The following ST18 variants were observed in gnomAD, a reference collection of about 807,000 sequenced individuals.
ST18 encodes the protein suppression of tumorigenicity 18 protein.
Under a neutral mutation model 110.0 loss-of-function variants are expected in ST18, and 50 were observed. The observed-to-expected ratio is 0.45, with a 90% CI of 0.36 to 0.58. ST18 has a LOEUF of 0.58. Among genes scored for constraint, ST18 ranks in the 20% least tolerant of loss-of-function variants. ST18 has a pLI of 0.00. For missense variants in ST18, 1,306 were observed against 1,280.1 expected, an observed-to-expected ratio of 1.02 and a Z score of -0.31; for synonymous variants, 461 against 452.4, an observed-to-expected ratio of 1.02 and a Z score of -0.24.
At chr8:52,245,426 T>C (rs1014976112) in intron 2 of ST18, among the ~76,000 whole-genome samples, 3 of 152,124 alleles carry the variant, frequency 2.0e-5, no homozygotes, top group Non-Finnish European at 4.4e-5. Context: ...ATTGGATATA[T>C]ATATGACACA....
At position 52,287,684 on chromosome 8, in the gene ST18, T is replaced by C. The variant is rs1016956939; in HGVS notation, c.-464-57607A>G. ...ACCAAGTAACCCCCAAGCTTTGGCATTGCATATACAAAGGGAGACAGGCAA... is the reference window on the plus strand; with the variant it reads ...ACCAAGTAACCCCCAAGCTTTGGCACTGCATATACAAAGGGAGACAGGCAA... On this transcript the variant is annotated intron_variant, in intron 2 of 25. Coordinates refer to ENST00000689386, the MANE Select transcript of ST18 (RefSeq NM_001352837.2). Among the ~76,000 whole-genome samples the C allele has an allele frequency of 1.3e-4, 20 of 152,270 alleles. No individual in the cohort carries two copies. The East Asian group carries it at 1.5e-3, about 12-fold the overall frequency.
chr8:52,299,743 G>A (rs929538015), intron 2 of ST18, among the ~76,000 whole-genome samples: 16 of 152,206 alleles, frequency 1.1e-4, no homozygotes, highest in African/African-American at 3.9e-4. Context: ...CTCAATTTCA[G>A]CTTTTCAACC....
chr8:52,132,499 G>C (rs1479481288), intron 21 of ST18, among the ~76,000 whole-genome samples: 5 of 152,128 alleles, frequency 3.3e-5, no homozygotes, highest in Non-Finnish European at 5.9e-5. Flanking sequence ...TAGGTCTAGA[G>C]CCAACCACAT....
intron 2 of ST18, among the ~76,000 whole-genome samples, chr8:52,276,767 CTT>C (rs112922704): frequency 6.8e-4 from 96 of 140,628 alleles, no homozygotes; most frequent in African/African-American, 2.0e-3. Context: ...CCTATAAAAT[CTT>C]TTTTTTTTTT....
chr8:52,337,055 A>G (rs1004466326), intron 2 of ST18, among the ~76,000 whole-genome samples: 1 of 152,262 alleles, frequency 6.6e-6, no homozygotes, highest in African/African-American at 2.4e-5. Context: ...TCAGAATAAC[A>G]TCGCCTTTTT....
intron 2 of ST18, among the ~76,000 whole-genome samples, chr8:52,372,453 G>A (rs548553516): frequency 2.0e-5 from 3 of 152,254 alleles, no homozygotes; most frequent in East Asian, 3.9e-4. Flanking sequence ...CAGCCTAATT[G>A]TCCAGTGTTT....
intron 24 of ST18, among the ~76,000 whole-genome samples, chr8:52,117,406 C>A (rs549212355): frequency 6.6e-6 from 1 of 152,210 alleles, no homozygotes; most frequent in Non-Finnish European, 1.5e-5. Flanking sequence ...GCATACAACA[C>A]CATTGATCAT....
intron 8 of ST18, among the ~76,000 whole-genome samples, chr8:52,196,652 A>C (rs2076272973): frequency 6.6e-6 from 1 of 152,176 alleles, no homozygotes; most frequent in Non-Finnish European, 1.5e-5. Flanking sequence ...CTATTTTATT[A>C]TTAGTTATGT....
chr8:52,232,027 C>T lies in ST18; in HGVS notation c.-464-1950G>A, dbSNP rs181644627. On this transcript the variant is annotated intron_variant, in intron 2 of 25. Transcript: ENST00000689386. ...ATGTTGGTGCTGATAAGTTTGTGGA[C>T]CATACTTGGAAAACTACTGCTTTAG... is the stretch of plus-strand genomic sequence containing the variant. Among the ~76,000 whole-genome samples the T allele has an allele frequency of 4.5e-4, 69 of 152,268 alleles. 1 individual carries two copies. The highest frequency in any genetic ancestry group is 1.3e-3 in the African/African-American group (52 of 41,560).
chr8:52,276,128 CCA>C (rs1391519426), intron 2 of ST18, among the ~76,000 whole-genome samples: 3 of 11,148 alleles, frequency 2.7e-4, no homozygotes, highest in Non-Finnish European at 4.7e-4. Flanking sequence ...CTATCACATA[CCA>C]CACACACACC....
chr8:52,157,339 A>G (rs1239208143), intron 15 of ST18, among the ~76,000 whole-genome samples: 1 of 152,166 alleles, frequency 6.6e-6, no homozygotes, highest in Admixed American at 6.5e-5. Context: ...CATTCATTCT[A>G]GAACCACTTA....
chr8:52,300,509 C>G (rs2095702353), intron 2 of ST18, among the ~76,000 whole-genome samples: 1 of 152,188 alleles, frequency 6.6e-6, no homozygotes, highest in Admixed American at 6.5e-5. Flanking sequence ...TTGCCCAAAT[C>G]TATGACATAG....
At chr8:52,282,255 T>C (rs946030351) in intron 2 of ST18, among the ~76,000 whole-genome samples, 2 of 152,080 alleles carry the variant, frequency 1.3e-5, no homozygotes, top group African/African-American at 2.4e-5. Context: ...CAAGATAATC[T>C]TACCTGTGAA....
intron 2 of ST18, among the ~76,000 whole-genome samples, chr8:52,401,306 C>T (rs1842758043): frequency 6.6e-6 from 1 of 151,962 alleles, no homozygotes; most frequent in African/African-American, 2.4e-5. Context: ...TTGGTGGGGC[C>T]CTCTTTGGGT....
At chr8:52,167,341 T>A (rs1271786529) in intron 10 of ST18, among the ~76,000 whole-genome samples, 7 of 152,256 alleles carry the variant, frequency 4.6e-5, no homozygotes, top group Admixed American at 3.9e-4. Context: ...ACAGAATTTA[T>A]TTAAACCAAA....
At chr8:52,147,776 T>C (rs1229178776) in intron 16 of ST18, among the ~76,000 whole-genome samples, 1 of 152,160 alleles carries the variant, frequency 6.6e-6, no homozygotes, top group Non-Finnish European at 1.5e-5. Context: ...GGTTTCCCTT[T>C]AGGTCTGTAG....
chr8:52,272,181 C>T (rs577224093), intron 2 of ST18, among the ~76,000 whole-genome samples: 1 of 151,860 alleles, frequency 6.6e-6, no homozygotes, highest in Admixed American at 6.6e-5. Flanking sequence ...AAAGTACAGG[C>T]AACAAAAAAC....
chr8:52,252,247 G>T (rs1316171238), intron 2 of ST18, among the ~76,000 whole-genome samples: 2 of 151,978 alleles, frequency 1.3e-5, no homozygotes, highest in East Asian at 3.8e-4. Flanking sequence ...CTGCAAGTAA[G>T]ATTGTTAATT....
chr8:52,350,036 G>A (rs1156647065), intron 2 of ST18, among the ~76,000 whole-genome samples: 1 of 152,104 alleles, frequency 6.6e-6, no homozygotes, highest in Admixed American at 6.5e-5. Flanking sequence ...CACCCCGCAG[G>A]ACCTCCCATC....
Sources: gnomAD v4.1 joint callset for allele counts (sites outside exome capture counted in the v4.1 genomes callset) on GRCh38, gnomAD v4.1.1 for gene constraint, MANE v1.5 for transcripts, NCBI Gene and HGNC (gene_info 2026-07-23, HGNC 2026-07-21) for gene names.